PRMT3: variants seen among roughly 807,000 people sequenced by gnomAD.
PRMT3 encodes protein arginine N-methyltransferase 3.
Under a neutral mutation model 71.9 loss-of-function variants are expected in PRMT3, and 62 were observed. That is an observed-to-expected ratio of 0.86 (90% CI 0.70 to 1.07). The LOEUF is 1.07. Ranked by LOEUF, PRMT3 falls within the 50% of genes least tolerant of loss-of-function variation. PRMT3 has a pLI of 0.00. For synonymous variants in PRMT3, 213 were observed against 220.4 expected, an observed-to-expected ratio of 0.97 and a Z score of 0.30; for missense variants, 663 against 643.0, an observed-to-expected ratio of 1.03 and a Z score of -0.34.
At chr11:20,415,451 A>G (rs1055040666) in intron 9 of PRMT3, among the ~76,000 whole-genome samples, 1 of 152,126 alleles carries the variant, frequency 6.6e-6, no homozygotes, top group Non-Finnish European at 1.5e-5. Context: ...AGGATTACAG[A>G]AAAGGGTATA....
In PRMT3 at chr11:20,402,985, G is replaced by T; in HGVS notation, c.771+1G>T. The T allele has an allele frequency of 6.3e-7, 1 of 1,577,628 alleles. No individual in the cohort carries two copies. The highest frequency in any genetic ancestry group is 1.3e-5 in the African/African-American group (1 of 74,130). ...AAATCCACATATCTTCAAAGACAAG[G>T]TAAGTAGTATAGGTTATAGAATTAT... On this transcript the variant is annotated splice_donor_variant, in intron 8 of 15. Coordinates refer to ENST00000331079, the MANE Select transcript of PRMT3 (RefSeq NM_005788.4). LOFTEE classifies it high-confidence loss of function.
chr11:20,482,433 G>C (rs1179086928), intron 13 of PRMT3, among the ~76,000 whole-genome samples: 2 of 152,032 alleles, frequency 1.3e-5, no homozygotes, highest in Non-Finnish European at 2.9e-5. Flanking sequence ...TGAGAAATTA[G>C]CAGGACTAGA....
At chr11:20,462,859 T>C (rs1850417142) in intron 12 of PRMT3, among the ~76,000 whole-genome samples, 1 of 151,928 alleles carries the variant, frequency 6.6e-6, no homozygotes, top group African/African-American at 2.4e-5. Flanking sequence ...GTTCAGGATA[T>C]TGTCTTTGTC....
intron 13 of PRMT3, among the ~76,000 whole-genome samples, chr11:20,465,972 A>G (rs1002738424): frequency 4.6e-5 from 7 of 152,162 alleles, no homozygotes; most frequent in Admixed American, 4.6e-4. Context: ...TTCCTAGAAT[A>G]AATTGTCATG....
At chr11:20,488,795 C>A (rs956833403) in intron 13 of PRMT3, among the ~76,000 whole-genome samples, 9 of 152,130 alleles carry the variant, frequency 5.9e-5, no homozygotes, top group African/African-American at 2.2e-4. Context: ...CTGAGAAAGT[C>A]ATTTTTTATC....
chr11:20,440,818 G>T (rs1019219149), intron 10 of PRMT3, among the ~76,000 whole-genome samples: 5 of 152,106 alleles, frequency 3.3e-5, no homozygotes, highest in Non-Finnish European at 4.4e-5. Context: ...TCCTTTATTG[G>T]ATATGTGGTT....
At chr11:20,420,103 C>T (rs150566641) in intron 9 of PRMT3, among the ~76,000 whole-genome samples, 5 of 152,168 alleles carry the variant, frequency 3.3e-5, no homozygotes, top group East Asian at 3.9e-4. Flanking sequence ...ACCCTGGAGG[C>T]GGAGGTTGCA....
At chr11:20,433,444 A>G (rs1479515190) in intron 10 of PRMT3, among the ~76,000 whole-genome samples, 1 of 152,076 alleles carries the variant, frequency 6.6e-6, no homozygotes. Flanking sequence ...CATTTTCTTT[A>G]TCCACTCTGT....
chr11:20,468,728 G>A (rs1427038973), intron 13 of PRMT3, among the ~76,000 whole-genome samples: 1 of 152,100 alleles, frequency 6.6e-6, no homozygotes, highest in Admixed American at 6.6e-5. Flanking sequence ...AAAGTTAGAG[G>A]AAATTGGATT....
At chr11:20,460,914 GTTTAT>G (rs1010833855) in intron 11 of PRMT3, among the ~76,000 whole-genome samples, 3 of 152,056 alleles carry the variant, frequency 2.0e-5, no homozygotes, top group Admixed American at 6.6e-5. Flanking sequence ...AGATCACCTG[GTTTAT>G]TTTAACTATC....
intron 11 of PRMT3, among the ~76,000 whole-genome samples, chr11:20,454,096 C>T (rs1008659626): frequency 7.2e-5 from 11 of 152,120 alleles, no homozygotes; most frequent in Non-Finnish European, 1.0e-4. Flanking sequence ...TCACAAGAGC[C>T]CTTTGAGATT....
At chr11:20,427,432 A>G (rs1849571147) in intron 10 of PRMT3, among the ~76,000 whole-genome samples, 7 of 152,238 alleles carry the variant, frequency 4.6e-5, no homozygotes, top group Admixed American at 4.6e-4. Flanking sequence ...TATGGAAATA[A>G]AATTAATGGA....
intron 3 of PRMT3, among the ~76,000 whole-genome samples, chr11:20,390,499 A>C (rs1848689354): frequency 6.6e-6 from 1 of 152,218 alleles, no homozygotes; most frequent in Non-Finnish European, 1.5e-5. Flanking sequence ...CATGACATGA[A>C]CTTCACAGCC....
intron 13 of PRMT3, among the ~76,000 whole-genome samples, chr11:20,480,813 T>C (rs1850913449): frequency 6.6e-6 from 1 of 152,104 alleles, no homozygotes; most frequent in African/African-American, 2.4e-5. Flanking sequence ...CTCCAAGGTT[T>C]CTTACATGTA....
chr11:20,508,731 T>G lies in PRMT3; in HGVS notation c.*318T>G, dbSNP rs1329055835. Reference sequence around the variant, plus strand: ...TGGCCTATATTTGGAAGAGAGATAGTCTTTTGTTTTTAATAAGTTTCTTAC... The same window carrying G: ...TGGCCTATATTTGGAAGAGAGATAGGCTTTTGTTTTTAATAAGTTTCTTAC... On this transcript the variant is annotated 3_prime_UTR_variant, in exon 16 of 16. Coordinates refer to ENST00000331079, the MANE Select transcript of PRMT3 (RefSeq NM_005788.4). The G allele has an allele frequency of 2.8e-6, 1 of 358,026 alleles. No homozygotes were observed. The highest frequency in any genetic ancestry group is 2.1e-5 in the African/African-American group (1 of 47,814). The allele number at this position is 358,026 out of a possible 1,614,324, so 22.2% of individuals were successfully genotyped here. A position where few individuals can be genotyped will look rare whatever the true frequency, so the allele number is the denominator to read the frequency against.
chr11:20,496,643 C>A (rs966530112), intron 15 of PRMT3, among the ~76,000 whole-genome samples: 2 of 151,066 alleles, frequency 1.3e-5, no homozygotes, highest in African/African-American at 4.9e-5. Flanking sequence ...GGGTCAATGT[C>A]ATATAAAAGA....
intron 3 of PRMT3, among the ~76,000 whole-genome samples, chr11:20,390,231 A>G (rs1848683829): frequency 6.6e-6 from 1 of 152,208 alleles, no homozygotes; most frequent in Non-Finnish European, 1.5e-5. Context: ...AATATGGCGA[A>G]TCACACAGCA....
chr11:20,508,230 T>G (rs1851641239), intron 15 of PRMT3, 74 bp from the exon 16 acceptor site: 1 of 694,844 alleles, frequency 1.4e-6, no homozygotes, highest in Non-Finnish European at 2.5e-6. Context: ...AAAGAAGTGC[T>G]AGTTATACAT....
chr11:20,457,797 G>A (rs368185946), intron 11 of PRMT3, among the ~76,000 whole-genome samples: 1 of 152,142 alleles, frequency 6.6e-6, no homozygotes, highest in African/African-American at 2.4e-5. Flanking sequence ...GATTCCTTTA[G>A]TATTTTCATA....
Sources: allele counts gnomAD v4.1 joint callset (sites outside exome capture counted in the v4.1 genomes callset), GRCh38; gene constraint gnomAD v4.1.1; transcripts MANE v1.5; gene names NCBI Gene and HGNC (gene_info 2026-07-23, HGNC 2026-07-21).